Variants in ZFYVE26 observed in about 807,000 individuals in gnomAD.
ZFYVE26 encodes the protein zinc finger FYVE domain-containing protein 26.
Under a neutral mutation model 276.5 loss-of-function variants are expected in ZFYVE26, and 181 were observed. The ratio of observed to expected loss-of-function variants is 0.65; its 90% CI spans 0.58 to 0.74. The LOEUF is 0.74. ZFYVE26 is among the 30% of genes least tolerant of loss of function. The pLI, the probability that ZFYVE26 is intolerant of heterozygous loss-of-function variation, is 0.00. For synonymous variants in ZFYVE26, 1,129 were observed against 1,203.1 expected (o/e 0.94, Z 1.27); for missense variants, 2,821 against 3,097.9 (o/e 0.91, Z 2.12).
In ZFYVE26 at chr14:67,785,869, A is replaced by T. The variant is rs1163641301; in HGVS notation, c.3293T>A (p.Leu1098Gln). ...DQVLQSLREA[L>Q]ELPEPRTPPL... ...AGACAGCCTTATACCTGGCAGCTCT[A>T]GTGCCTCTCTCAGTGACTGAAGGAC... The change falls in exon 18 of 42, where the codon CTA (leucine) becomes CAA (glutamine). Residue 1098 changes from leucine to glutamine, a missense_variant. Leu to Gln is a moderately radical substitution (Grantham distance 113). Coordinates refer to ENST00000347230, the MANE Select transcript of ZFYVE26 (RefSeq NM_015346.4). The T allele has an allele frequency of 6.2e-7, 1 of 1,614,074 alleles. No individual in the cohort carries two copies. Among genetic ancestry groups the T allele is most frequent in the Admixed American group, 1.7e-5 (1 of 60,012 alleles).
At chr14:67,795,146 G>T (rs1033635870) in intron 12 of ZFYVE26, among the ~76,000 whole-genome samples, 1 of 152,204 alleles carries the variant, frequency 6.6e-6, no homozygotes, top group African/African-American at 2.4e-5. Context: ...AGGCACCTCA[G>T]TTCACTGTTT....
At chr14:67,803,493 C>G (rs2040118182) in intron 9 of ZFYVE26, among the ~76,000 whole-genome samples, 1 of 152,108 alleles carries the variant, frequency 6.6e-6, no homozygotes, top group Admixed American at 6.5e-5. Context: ...AGGCGCGCAC[C>G]ACCACACCCG....
In ZFYVE26 at chr14:67,806,464, G is replaced by A. The variant is rs568250085; in HGVS notation, c.1017+81C>T. 37 of 1,572,598 alleles carry A rather than the reference G, an allele frequency of 2.4e-5. No individual in the cohort carries two copies. The African/African-American group carries it at 4.4e-4, about 19-fold the overall frequency. Reference sequence around the variant, plus strand: ...TTAGACTGCTTTATGGTGGCCAAATGAGTGGGAGAGAAATGAGGAATGAAA... The same window carrying A: ...TTAGACTGCTTTATGGTGGCCAAATAAGTGGGAGAGAAATGAGGAATGAAA... On this transcript the variant is annotated intron_variant, in intron 6 of 41. Transcript: ENST00000347230.
chr14:67,781,863 G>T (rs1349196086), intron 21 of ZFYVE26, among the ~76,000 whole-genome samples: 8 of 152,162 alleles, frequency 5.3e-5, no homozygotes, highest in Non-Finnish European at 1.0e-4. Flanking sequence ...GAACATATAG[G>T]ACTGTTTCAG....
intron 15 of ZFYVE26, 129 bp from the exon 16 acceptor site, chr14:67,789,727 G>T: frequency 1.7e-6 from 2 of 1,211,564 alleles, no homozygotes; most frequent in Non-Finnish European, 2.4e-6. Context: ...ATGTATATTA[G>T]CACTATCATT....
At position 67,807,443 on chromosome 14, in the gene ZFYVE26, C is replaced by G. The variant is rs773688167; in HGVS notation, c.841G>C (p.Glu281Gln). 1 of 1,614,088 alleles carries G rather than the reference C, an allele frequency of 6.2e-7. No homozygotes were observed. Among genetic ancestry groups the G allele is most frequent in the Non-Finnish European group, 8.5e-7 (1 of 1,180,038 alleles). Residue 281 changes from glutamate to glutamine, a missense_variant, in exon 5 of 42, where the codon GAG becomes CAG. Coordinates refer to ENST00000347230, the MANE Select transcript of ZFYVE26 (RefSeq NM_015346.4). ...CTCGGTGGCTTTTCTGTGACCTTCTCTGCATAGGTATGGCCATACAGGGAC... is the reference window on the plus strand; with the variant it reads ...CTCGGTGGCTTTTCTGTGACCTTCTGTGCATAGGTATGGCCATACAGGGAC... The part of the protein sequence containing the change: ...LLSLYGHTYA[E>Q]KVTEKPPRAT...
At chr14:67,777,992 T>C (rs1462269956) in intron 24 of ZFYVE26, 134 bp downstream of exon 24, 1 of 1,403,868 alleles carries the variant, frequency 7.1e-7, no homozygotes, top group Non-Finnish European at 1.0e-6. Context: ...TCAAGATGAC[T>C]ATAACCAGCT....
intron 16 of ZFYVE26, among the ~76,000 whole-genome samples, chr14:67,789,006 A>G (rs192766096): frequency 2.6e-5 from 4 of 152,328 alleles, no homozygotes; most frequent in South Asian, 4.1e-4. Context: ...TTACAAATTC[A>G]AGATGGTCTC....
At chr14:67,786,879 C>G (rs1157825533) in intron 16 of ZFYVE26, among the ~76,000 whole-genome samples, 2 of 152,204 alleles carry the variant, frequency 1.3e-5, no homozygotes, top group Non-Finnish European at 2.9e-5. Flanking sequence ...GAGATCCAAT[C>G]ATTAGCAACA....
At position 67,807,929 on chromosome 14, in the gene ZFYVE26, A is replaced by G. The variant is rs1462792938; in HGVS notation, c.364-9T>C. 6.2e-7 allele frequency: 1 copy of G among 1,614,144 alleles called. No homozygotes were observed. The highest frequency in any genetic ancestry group is 1.3e-5 in the African/African-American group (1 of 75,054). ...AAGGTCTCATACAGCTCCTAAATAGAGGATGAAGAAAAGGATGGGTGGTGG... is the reference window on the plus strand; with the variant it reads ...AAGGTCTCATACAGCTCCTAAATAGGGGATGAAGAAAAGGATGGGTGGTGG... On this transcript the variant is annotated splice_polypyrimidine_tract_variant and intron_variant, in intron 4 of 41. Transcript: ENST00000347230.
At position 67,805,621 on chromosome 14, in the gene ZFYVE26, G is replaced by A. The variant is rs537961390; in HGVS notation, c.1018-3C>T. 1.4e-5 allele frequency: 22 copies of A among 1,613,616 alleles called. No individual in the cohort carries two copies. The South Asian group carries it at 2.1e-4, about 15-fold the overall frequency. On this transcript the variant is annotated splice_region_variant and splice_polypyrimidine_tract_variant and intron_variant, in intron 6 of 41. Transcript: ENST00000347230. ...TTCAACAATGTTAGTGCTGTTACCT[G>A]TAAGTCAAAGAAAGCTGTTATAGGC...
At position 67,769,644 on chromosome 14, in the gene ZFYVE26, T is replaced by C. The variant is rs926184589; in HGVS notation, c.5571A>G (p.Arg1857=). 4 of 1,614,036 alleles carry C rather than the reference T, an allele frequency of 2.5e-6. No homozygotes were observed. The highest frequency in any genetic ancestry group is 3.4e-6 in the Non-Finnish European group (4 of 1,179,928). ...GATCACACACACGAGCAGGGTTCTC[T>C]CTGCAGCCTTCAACCACCATTTTCT... ...STKKMVVEGC[R]ENPARVCDQC... is the part of the protein sequence containing the mutation. The change falls in exon 29 of 42, where the codon AGA becomes AGG. Residue 1857 remains arginine, a synonymous_variant. Coordinates refer to ENST00000347230, the MANE Select transcript of ZFYVE26 (RefSeq NM_015346.4).
chr14:67,791,872 C>T (rs1364249683), intron 14 of ZFYVE26, among the ~76,000 whole-genome samples: 1 of 151,404 alleles, frequency 6.6e-6, no homozygotes, highest in African/African-American at 2.4e-5. Context: ...CCAGCCTGGC[C>T]AACATGGTGA....
At chr14:67,774,967 G>A in intron 27 of ZFYVE26, 49 bp downstream of exon 27, 2 of 1,334,576 alleles carry the variant, frequency 1.5e-6, no homozygotes, top group Non-Finnish European at 2.1e-6. Context: ...ATAGAATAAG[G>A]CAAGACTAAA....
chr14:67,781,402 G>A lies in ZFYVE26; in HGVS notation c.4500C>T (p.Asp1500=). The A allele has an allele frequency of 6.2e-7, 1 of 1,614,202 alleles. No homozygotes were observed. The highest frequency in any genetic ancestry group is 2.2e-5 in the East Asian group (1 of 44,890). Residue 1500 remains aspartate, a synonymous_variant, in exon 22 of 42, where the codon GAC becomes GAT. Transcript: ENST00000347230. ...CLEILAYCIS[D]TAVQEGLKCE... is the part of the protein sequence containing the mutation. Reference sequence around the variant, plus strand: ...ACTTTAGTCCTTCTTGGACAGCCGTGTCTGAAATGCAGTAGGCCAGAATCT... The same window carrying A: ...ACTTTAGTCCTTCTTGGACAGCCGTATCTGAAATGCAGTAGGCCAGAATCT...
At chr14:67,790,521 C>A (rs1198900237) in intron 15 of ZFYVE26, 51 bp downstream of exon 15, 1 of 1,594,536 alleles carries the variant, frequency 6.3e-7, no homozygotes, top group African/African-American at 1.3e-5. Context: ...TCCCCTTTTA[C>A]CCCCTCTCCC....
downstream of ZFYVE26, among the ~76,000 whole-genome samples, chr14:67,741,575 T>G (rs1173954822): frequency 6.6e-6 from 1 of 152,214 alleles, no homozygotes; most frequent in Non-Finnish European, 1.5e-5. Context: ...TTAATGTCAA[T>G]CTGGCATAAA....
intron 13 of ZFYVE26, among the ~76,000 whole-genome samples, chr14:67,732,916 T>C (rs2038302414): frequency 6.6e-6 from 1 of 152,084 alleles, no homozygotes; most frequent in Non-Finnish European, 1.5e-5. Flanking sequence ...GCACTGCATG[T>C]TCCGAATGTT....
chr14:67,782,643 C>T, intron 21 of ZFYVE26, 137 bp downstream of exon 21: 2 of 1,426,304 alleles, frequency 1.4e-6, no homozygotes, highest in South Asian at 1.2e-5. Context: ...CCCTCTGAGA[C>T]CTGGTCTCCT....
Sources: allele counts gnomAD v4.1 joint callset (sites outside exome capture counted in the v4.1 genomes callset), GRCh38; gene constraint gnomAD v4.1.1; transcripts MANE v1.5; gene names NCBI Gene and HGNC (gene_info 2026-07-23, HGNC 2026-07-21).